Variants in COL5A2 observed in about 807,000 individuals in gnomAD.
The protein encoded by COL5A2 is collagen alpha-2(V) chain.
Under a neutral mutation model 208.2 loss-of-function variants are expected in COL5A2, and 23 were observed. That is an observed-to-expected ratio of 0.11 (90% CI 0.08 to 0.16). COL5A2 has a LOEUF of 0.16. COL5A2 is among the 10% of genes least tolerant of loss of function. The pLI is 1.00. For synonymous variants in COL5A2, 625 were observed against 628.5 expected, an observed-to-expected ratio of 0.99 and a Z score of 0.08; for missense variants, 1,590 against 1,956.4, an observed-to-expected ratio of 0.81 and a Z score of 3.53.
At chr2:189,314,990 T>A in the COL5A2 span, among the ~76,000 whole-genome samples, 572 of 152,266 alleles carry the variant, frequency 3.8e-3, 5 homozygotes, top group African/African-American at 0.013. Context: ...ACAGATGAAT[T>A]CTTCCAAATG....
chr2:189,104,155 T>C (rs1183425461), intron 3 of COL5A2, 109 bp downstream of exon 3: 4 of 807,238 alleles, frequency 5.0e-6, no homozygotes, highest in Non-Finnish European at 8.8e-6. Flanking sequence ...ATTTGTATGG[T>C]ACTTTGTACT....
At chr2:189,304,622 C>T in the COL5A2 span, among the ~76,000 whole-genome samples, 1 of 152,156 alleles carries the variant, frequency 6.6e-6, no homozygotes, top group Admixed American at 6.5e-5. Context: ...GTCACAAGGA[C>T]AGCACCAACA....
the COL5A2 span, among the ~76,000 whole-genome samples, chr2:189,371,433 A>T: frequency 2.0e-5 from 3 of 152,184 alleles, no homozygotes; most frequent in Non-Finnish European, 2.9e-5. Context: ...AGATAAGGGA[A>T]GTTTGGAACT....
At chr2:189,219,713 C>A (rs1689323253) in intron 1 of COL5A2, among the ~76,000 whole-genome samples, 1 of 152,016 alleles carries the variant, frequency 6.6e-6, no homozygotes, top group Non-Finnish European at 1.5e-5. Context: ...ATTATAAAGT[C>A]TTTGAGATTT....
intron 1 of COL5A2, among the ~76,000 whole-genome samples, chr2:189,156,574 G>C (rs960595620): frequency 6.6e-6 from 1 of 152,136 alleles, no homozygotes; most frequent in African/African-American, 2.4e-5. Flanking sequence ...TGGCTATCCA[G>C]CTTTGTTGGA....
At chr2:189,039,131 A>T (rs974286707) in intron 51 of COL5A2, 141 bp downstream of exon 51, 1 of 1,078,326 alleles carries the variant, frequency 9.3e-7, no homozygotes, top group Non-Finnish European at 1.4e-6. Flanking sequence ...CCACCATTAA[A>T]TTATAAGCTC....
At chr2:189,187,868 C>T (rs1688873428) in intron 1 of COL5A2, among the ~76,000 whole-genome samples, 1 of 151,420 alleles carries the variant, frequency 6.6e-6, no homozygotes, top group South Asian at 2.1e-4. Context: ...ACTCAGGAGG[C>T]CGAGGCAGGA....
At chr2:189,363,384 A>G in the COL5A2 span, among the ~76,000 whole-genome samples, 1 of 152,130 alleles carries the variant, frequency 6.6e-6, no homozygotes, top group African/African-American at 2.4e-5. Context: ...TCTAAACTTT[A>G]TCAAATCCTT....
the COL5A2 span, among the ~76,000 whole-genome samples, chr2:189,395,510 A>G: frequency 6.6e-6 from 1 of 152,202 alleles, no homozygotes; most frequent in African/African-American, 2.4e-5. Context: ...GAAATTTTGT[A>G]TAACAACTAA....
At chr2:189,155,465 A>G (rs1688227528) in intron 1 of COL5A2, among the ~76,000 whole-genome samples, 1 of 152,186 alleles carries the variant, frequency 6.6e-6, no homozygotes, top group African/African-American at 2.4e-5. Context: ...GCACTGTCCA[A>G]GACAAGTTTC....
At chr2:189,076,561 C>T (rs1259044411) in intron 16 of COL5A2, among the ~76,000 whole-genome samples, 1 of 152,270 alleles carries the variant, frequency 6.6e-6, no homozygotes, top group South Asian at 2.1e-4. Context: ...GGTGATAAAT[C>T]ACCAAAGTAA....
At chr2:189,090,346 A>G (rs772954899) in intron 7 of COL5A2, among the ~76,000 whole-genome samples, 2 of 152,230 alleles carry the variant, frequency 1.3e-5, no homozygotes, top group Non-Finnish European at 2.9e-5. Flanking sequence ...GTTGGAAGCT[A>G]GAAAATGTTG....
chr2:189,395,157 C>CA, the COL5A2 span, among the ~76,000 whole-genome samples: 1 of 152,150 alleles, frequency 6.6e-6, no homozygotes, highest in Non-Finnish European at 1.5e-5. Context: ...GAAAGACTGC[C>CA]AAATGTACCT....
At chr2:189,417,807 T>C in the COL5A2 span, among the ~76,000 whole-genome samples, 1 of 151,940 alleles carries the variant, frequency 6.6e-6, no homozygotes, top group African/African-American at 2.4e-5. Flanking sequence ...TTCCATTGTG[T>C]GTGTGTGTAT....
intron 1 of COL5A2, among the ~76,000 whole-genome samples, chr2:189,175,033 G>A (rs1688649684): frequency 6.6e-6 from 1 of 152,116 alleles, no homozygotes; most frequent in Admixed American, 6.5e-5. Context: ...ACTATATTTT[G>A]TCCATTGAAA....
At chr2:189,088,205 A>G (rs1686706250) in intron 8 of COL5A2, among the ~76,000 whole-genome samples, 1 of 152,234 alleles carries the variant, frequency 6.6e-6, no homozygotes, top group African/African-American at 2.4e-5. Flanking sequence ...GAAGAAATTC[A>G]AAAGAGGGTA....
At chr2:189,068,925 CGA>C (rs1559088908) in intron 18 of COL5A2, 41 bp from the exon 19 acceptor site, 5 of 1,337,308 alleles carry the variant, frequency 3.7e-6, no homozygotes, top group Non-Finnish European at 5.4e-6. Flanking sequence ...AAGAAAAATA[CGA>C]GAGTGGCATT....
chr2:189,403,544 G>T, the COL5A2 span, among the ~76,000 whole-genome samples: 1 of 152,134 alleles, frequency 6.6e-6, no homozygotes, highest in Admixed American at 6.5e-5. Context: ...GTATGATATT[G>T]ATTGTGGGTT....
the COL5A2 span, among the ~76,000 whole-genome samples, chr2:189,254,659 G>C: frequency 1.3e-5 from 2 of 152,198 alleles, no homozygotes; most frequent in Non-Finnish European, 2.9e-5. Context: ...AGCCACTCCA[G>C]GCCCTGTGGC....
Sources: gnomAD v4.1 joint callset for allele counts (sites outside exome capture counted in the v4.1 genomes callset) on GRCh38, gnomAD v4.1.1 for gene constraint, MANE v1.5 for transcripts, NCBI Gene and HGNC (gene_info 2026-07-23, HGNC 2026-07-21) for gene names.